PNPT1: variants seen among roughly 807,000 people sequenced by gnomAD.
PNPT1 encodes polyribonucleotide nucleotidyltransferase 1.
PNPT1 carries 53 observed loss-of-function variants against 119.5 expected under a neutral mutation model. That is an observed-to-expected ratio of 0.44 (90% CI 0.36 to 0.56). PNPT1 has a LOEUF of 0.56. Ranked by LOEUF, PNPT1 falls within the 20% of genes least tolerant of loss-of-function variation. The pLI, the probability that PNPT1 is intolerant of heterozygous loss-of-function variation, is 0.00. For missense variants in PNPT1, 948 were observed against 938.5 expected, an observed-to-expected ratio of 1.01 and a Z score of -0.13; for synonymous variants, 357 against 322.1, an observed-to-expected ratio of 1.11 and a Z score of -1.16.
intron 8 of PNPT1, 41 bp downstream of exon 8, chr2:55,679,641 A>T (rs760493201): frequency 1.5e-5 from 21 of 1,371,458 alleles, no homozygotes; most frequent in Non-Finnish European, 2.2e-5. Context: ...CAGAACTTGT[A>T]AGTAAAATCC....
At chr2:55,644,008 A>C (rs557572976) in intron 23 of PNPT1, among the ~76,000 whole-genome samples, 12 of 152,202 alleles carry the variant, frequency 7.9e-5, no homozygotes, top group Non-Finnish European at 1.5e-4. Flanking sequence ...ATATCTATAC[A>C]AATTTTGGAG....
chr2:55,687,562 G>A (rs1209891264), intron 2 of PNPT1, 83 bp downstream of exon 2: 2 of 971,680 alleles, frequency 2.1e-6, no homozygotes, highest in Admixed American at 5.4e-5. Context: ...ATTCTAAGTA[G>A]TTACACGATG....
intron 18 of PNPT1, among the ~76,000 whole-genome samples, chr2:55,648,386 T>A (rs1225097372): frequency 6.6e-6 from 1 of 152,192 alleles, no homozygotes; most frequent in Admixed American, 6.5e-5. Flanking sequence ...AGTCAAAAGG[T>A]ATGTGCATTT....
chr2:55,645,869 C>T (rs1695985284), intron 21 of PNPT1, among the ~76,000 whole-genome samples: 1 of 151,952 alleles, frequency 6.6e-6, no homozygotes, highest in Non-Finnish European at 1.5e-5. Flanking sequence ...CCTCTGTCAC[C>T]CAGGCTGGCG....
At chr2:55,669,607 G>A (rs1696842230) in intron 11 of PNPT1, among the ~76,000 whole-genome samples, 1 of 152,084 alleles carries the variant, frequency 6.6e-6, no homozygotes, top group African/African-American at 2.4e-5. Context: ...ATTCTACTAT[G>A]TATAATACAA....
Position 55,643,141 on chromosome 2 carries a change from A to G in PNPT1, c.2069+17T>C. On this transcript the variant is annotated intron_variant, in intron 25 of 27. Coordinates refer to ENST00000447944, the MANE Select transcript of PNPT1 (RefSeq NM_033109.5). ...AAGAAAGGAAAATGCTCAGCATAGT[A>G]TATTACTTGATATTACCTGATTTCA... 4 of 1,612,890 alleles carry G rather than the reference A, an allele frequency of 2.5e-6. No individual in the cohort carries two copies. The highest frequency in any genetic ancestry group is 2.2e-5 in the South Asian group (2 of 91,052).
chr2:55,686,971 T>G (rs955149656), intron 2 of PNPT1, among the ~76,000 whole-genome samples: 2 of 151,856 alleles, frequency 1.3e-5, no homozygotes, highest in African/African-American at 4.8e-5. Context: ...TCCCAGCACT[T>G]TGGGAGGCTG....
At position 55,671,986 on chromosome 2, in the gene PNPT1, T is replaced by A. The variant is rs1482423510; in HGVS notation, c.918+9A>T. The A allele has an allele frequency of 1.3e-6, 2 of 1,589,338 alleles. No individual in the cohort carries two copies. The highest frequency in any genetic ancestry group is 1.7e-6 in the Non-Finnish European group (2 of 1,167,108). The stretch of plus-strand genomic sequence containing the variant: ...GCAATTATGGAAGACAAAACTCAGG[T>A]ATACCTACTTTGTCATGCTCGTAAT... On this transcript the variant is annotated intron_variant, in intron 10 of 27. Transcript: ENST00000447944.
chr2:55,639,092 T>G (rs940709662), intron 26 of PNPT1, among the ~76,000 whole-genome samples: 1 of 152,144 alleles, frequency 6.6e-6, no homozygotes, highest in Non-Finnish European at 1.5e-5. Context: ...CATCTTTTCA[T>G]ATCAATAAAT....
At chr2:55,687,934 G>C (rs898368117) in intron 1 of PNPT1, among the ~76,000 whole-genome samples, 1 of 152,126 alleles carries the variant, frequency 6.6e-6, no homozygotes, top group Non-Finnish European at 1.5e-5. Context: ...GAACAGGAAA[G>C]TCTTTTGGAG....
At chr2:55,651,472 T>C (rs1434372743) in intron 18 of PNPT1, among the ~76,000 whole-genome samples, 2 of 152,140 alleles carry the variant, frequency 1.3e-5, no homozygotes, top group East Asian at 3.9e-4. Context: ...TCTGTGACCT[T>C]ACCCCCAACC....
chr2:55,656,926 G>T (rs550187465), intron 15 of PNPT1, among the ~76,000 whole-genome samples: 4 of 152,156 alleles, frequency 2.6e-5, no homozygotes, highest in Non-Finnish European at 5.9e-5. Context: ...TTCCATAAGG[G>T]TTTTATTTTA....
At chr2:55,639,439 G>T (rs953838040) in intron 26 of PNPT1, among the ~76,000 whole-genome samples, 6 of 152,100 alleles carry the variant, frequency 3.9e-5, no homozygotes, top group Non-Finnish European at 7.4e-5. Context: ...CATCAACAGT[G>T]TATGAAAATG....
chr2:55,658,026 C>G (rs1696445724), intron 15 of PNPT1, among the ~76,000 whole-genome samples: 1 of 151,688 alleles, frequency 6.6e-6, no homozygotes, highest in Non-Finnish European at 1.5e-5. Context: ...CTGCTTGAGC[C>G]CAGGAGTTTG....
rs185925612 is a variant in PNPT1, at chr2:55,659,619, C to T, written c.1284+538G>A. On this transcript the variant is annotated intron_variant, in intron 15 of 27. Transcript: ENST00000447944. ...TGTTGATTAGAAAAATACCACTTAT[C>T]TCTCTAAAGTACTTATCTCTTATCT... is the stretch of plus-strand genomic sequence containing the variant. Among the ~76,000 whole-genome samples, 48 of 151,928 alleles carry T rather than the reference C, an allele frequency of 3.2e-4. 1 individual carries two copies. The East Asian group carries it at 8.8e-3, about 28-fold the overall frequency.
chr2:55,641,082 G>T (rs778161011), intron 25 of PNPT1, among the ~76,000 whole-genome samples: 5 of 151,796 alleles, frequency 3.3e-5, no homozygotes, highest in Non-Finnish European at 5.9e-5. Flanking sequence ...AAATTAGCTG[G>T]GCCTGGTGGC....
chr2:55,662,227 T>C (rs1009872907), intron 13 of PNPT1, among the ~76,000 whole-genome samples: 1 of 152,158 alleles, frequency 6.6e-6, no homozygotes, highest in African/African-American at 2.4e-5. Context: ...AATCCAAAGT[T>C]CTAACATCAC....
In PNPT1 at chr2:55,685,062, A is replaced by T. The variant is rs941003690; in HGVS notation, c.298-14T>A. ...TCTGTAGTCAACCTGAAGCAGCAAT[A>T]AAAAAAAGTTCATATAATTCTTTTT... On this transcript the variant is annotated splice_polypyrimidine_tract_variant and intron_variant, in intron 3 of 27. Transcript: ENST00000447944. The T allele has an allele frequency of 3.2e-6, 5 of 1,543,074 alleles. No homozygotes were observed. In the South Asian group the frequency reaches 3.6e-5, roughly 11 times the overall value.
intron 3 of PNPT1, 141 bp from the exon 4 acceptor site, chr2:55,685,189 C>T: frequency 1.7e-6 from 1 of 573,106 alleles, no homozygotes; most frequent in Non-Finnish European, 2.7e-6. Context: ...CATTTTGTAT[C>T]TTTTGGGGAG....
Sources: gnomAD v4.1 joint callset for allele counts (sites outside exome capture counted in the v4.1 genomes callset) on GRCh38, gnomAD v4.1.1 for gene constraint, MANE v1.5 for transcripts, NCBI Gene and HGNC (gene_info 2026-07-23, HGNC 2026-07-21) for gene names.